The following KCNMA1 variants were observed in gnomAD, a reference collection of about 807,000 sequenced individuals.
KCNMA1 encodes Calcium-activated potassium channel subunit alpha-1.
In KCNMA1, 29 loss-of-function variants were observed where a neutral mutation model predicts 140.0. The observed-to-expected ratio is 0.21, with a 90% CI of 0.15 to 0.28. The LOEUF is 0.28. Ranked by LOEUF, KCNMA1 falls within the 10% of genes least tolerant of loss-of-function variation. The probability of loss-of-function intolerance (pLI) is 1.00; values close to 1 mark genes in which losing one functional copy is unlikely to be tolerated. For synonymous variants in KCNMA1, 612 were observed against 611.9 expected (o/e 1.00, Z 0.00); for missense variants, 880 against 1,602.2 (o/e 0.55, Z 7.70).
At chr10:77,581,231 A>T (rs2075773704) in intron 1 of KCNMA1, among the ~76,000 whole-genome samples, 2 of 152,106 alleles carry the variant, frequency 1.3e-5, no homozygotes. Context: ...TAGAAATTTC[A>T]TGTAAGTGGC....
intron 1 of KCNMA1, among the ~76,000 whole-genome samples, chr10:77,502,273 T>C (rs1222912168): frequency 6.6e-6 from 1 of 152,198 alleles, no homozygotes; most frequent in African/African-American, 2.4e-5. Context: ...GCATTTCCCT[T>C]ACATGGAGAA....
At chr10:77,014,976 A>C (rs1380710764) in intron 17 of KCNMA1, among the ~76,000 whole-genome samples, 1 of 152,046 alleles carries the variant, frequency 6.6e-6, no homozygotes, top group Admixed American at 6.6e-5. Flanking sequence ...ACAACCATGG[A>C]TTTCAGGGGC....
Position 77,575,831 on chromosome 10 carries a change from T to C in KCNMA1, c.378+61434A>G, listed in dbSNP as rs138917268. 2.4e-3 allele frequency among the ~76,000 whole-genome samples: 362 copies of C among 152,352 alleles called. 8 individuals are homozygous for C. The South Asian group carries it at 0.025, about 11-fold the overall frequency. ...GATCTCACTGGTGCCTCAGAGCCAC[T>C]GGAAGGCCAGTTAAAATAGAGCCCT... is the stretch of plus-strand genomic sequence containing the variant. On this transcript the variant is annotated intron_variant, in intron 1 of 27. Transcript: ENST00000286628.
chr10:77,283,269 T>C (rs2069365570), intron 2 of KCNMA1, among the ~76,000 whole-genome samples: 1 of 152,234 alleles, frequency 6.6e-6, no homozygotes, highest in African/African-American at 2.4e-5. Flanking sequence ...AAGAACTTTC[T>C]ATTTTCTCCT....
chr10:77,475,085 T>A (rs895607634), intron 1 of KCNMA1, among the ~76,000 whole-genome samples: 10 of 152,194 alleles, frequency 6.6e-5, no homozygotes. Flanking sequence ...TTCGTTCCTG[T>A]CCCAGCTGCT....
At chr10:77,140,283 T>TG (rs1182770902) in intron 5 of KCNMA1, 1 of 152,498 alleles carries the variant, frequency 6.6e-6, no homozygotes, top group Non-Finnish European at 1.5e-5. Context: ...CATGGACGGG[T>TG]GAGTCCTTAC....
At chr10:77,381,687 G>A (rs747034782) in intron 2 of KCNMA1, among the ~76,000 whole-genome samples, 3 of 152,022 alleles carry the variant, frequency 2.0e-5, no homozygotes, top group Non-Finnish European at 2.9e-5. Context: ...TGTCTCCAGT[G>A]GGCTGCTGGT....
chr10:77,576,979 A>G (rs1239971893), intron 1 of KCNMA1, among the ~76,000 whole-genome samples: 1 of 152,198 alleles, frequency 6.6e-6, no homozygotes, highest in Non-Finnish European at 1.5e-5. Context: ...GCTCATTGCT[A>G]TGGCACCACA....
chr10:77,602,504 T>C (rs944739876), intron 1 of KCNMA1, among the ~76,000 whole-genome samples: 1 of 152,212 alleles, frequency 6.6e-6, no homozygotes, highest in Non-Finnish European at 1.5e-5. Context: ...CACAACTCTC[T>C]GTATATACTA....
chr10:77,395,535 A>G (rs1226477524), intron 2 of KCNMA1, among the ~76,000 whole-genome samples: 1 of 152,188 alleles, frequency 6.6e-6, no homozygotes, highest in Non-Finnish European at 1.5e-5. Flanking sequence ...GGGAAATGAA[A>G]ATGGAAAATG....
chr10:77,003,108 T>A (rs1290206311), intron 18 of KCNMA1, among the ~76,000 whole-genome samples: 1 of 152,108 alleles, frequency 6.6e-6, no homozygotes, highest in African/African-American at 2.4e-5. Flanking sequence ...CAAGCAAGGG[T>A]AACGTTATGA....
intron 2 of KCNMA1, among the ~76,000 whole-genome samples, chr10:77,254,252 C>T (rs1414047019): frequency 6.8e-6 from 1 of 146,052 alleles, no homozygotes; most frequent in African/African-American, 2.5e-5. Context: ...GACAGATCCT[C>T]GTTCTGTCGC....
intron 20 of KCNMA1, among the ~76,000 whole-genome samples, chr10:76,968,050 C>T (rs766117065): frequency 6.6e-6 from 1 of 152,040 alleles, no homozygotes; most frequent in East Asian, 1.9e-4. Flanking sequence ...ATACTTGATA[C>T]GATATACACT....
rs748112495 is a variant in KCNMA1 at position 77,637,307 on chromosome 10, C to T, written c.336G>A (p.Lys112=). Residue 112 remains lysine (K), a synonymous_variant, in exon 1 of 28, where the codon AAG becomes AAA. Transcript: ENST00000286628. ...AGTGGCAGCACACGGTCCACAGGTACTTGAGCGTCCGCCAGAGCAAGATGA... is the reference window on the plus strand; with the variant it reads ...AGTGGCAGCACACGGTCCACAGGTATTTGAGCGTCCGCCAGAGCAAGATGA... The part of the protein sequence containing the change: ...LFIILLWRTL[K]YLWTVCCHCG... 1 of 1,613,152 alleles carries T rather than the reference C, an allele frequency of 6.2e-7. No homozygotes were observed. The highest frequency in any genetic ancestry group is 1.3e-5 in the African/African-American group (1 of 74,800).
chr10:77,115,627 T>C (rs1013026663), intron 6 of KCNMA1, among the ~76,000 whole-genome samples: 6 of 152,192 alleles, frequency 3.9e-5, no homozygotes, highest in Admixed American at 1.3e-4. Context: ...TAAACCTATT[T>C]AGAGTCTGAG....
intron 1 of KCNMA1, among the ~76,000 whole-genome samples, chr10:77,550,859 A>C (rs2062669269): frequency 6.6e-6 from 1 of 152,184 alleles, no homozygotes; most frequent in African/African-American, 2.4e-5. Flanking sequence ...CAAGCAGTAC[A>C]TGGGCCCTAG....
intron 1 of KCNMA1, among the ~76,000 whole-genome samples, chr10:77,536,440 A>C (rs979786211): frequency 6.6e-6 from 1 of 152,178 alleles, no homozygotes; most frequent in Non-Finnish European, 1.5e-5. Context: ...ACTGATCTTC[A>C]ATATCCTCAT....
At chr10:76,962,642 C>G (rs1231333972) in intron 20 of KCNMA1, among the ~76,000 whole-genome samples, 1 of 152,202 alleles carries the variant, frequency 6.6e-6, no homozygotes, top group Non-Finnish European at 1.5e-5. Flanking sequence ...ATTTTCCCTT[C>G]CTGGGAACTT....
At chr10:76,944,665 C>T (rs894105997) in intron 23 of KCNMA1, 108 bp downstream of exon 23, 15 of 1,042,248 alleles carry the variant, frequency 1.4e-5, no homozygotes, top group East Asian at 4.9e-5. Flanking sequence ...GGTTTCACTG[C>T]CAGGCAGGCT....
Sources: allele counts gnomAD v4.1 joint callset (sites outside exome capture counted in the v4.1 genomes callset), GRCh38; gene constraint gnomAD v4.1.1; transcripts MANE v1.5; gene names NCBI Gene and HGNC (gene_info 2026-07-23, HGNC 2026-07-21).